Variants in MRPL19 observed in about 807,000 individuals in gnomAD.
MRPL19 encodes the protein mitochondrial ribosomal protein L19.
Under a neutral mutation model 34.0 loss-of-function variants are expected in MRPL19, and 31 were observed. That is an observed-to-expected ratio of 0.91 (90% CI 0.68 to 1.23). MRPL19 has a LOEUF of 1.23. MRPL19 is among the 50% of genes most tolerant of loss of function. The pLI is 0.00. For missense variants in MRPL19, 384 were observed against 367.6 expected, an observed-to-expected ratio of 1.04 and a Z score of -0.37; for synonymous variants, 152 against 127.7, an observed-to-expected ratio of 1.19 and a Z score of -1.28.
At chr2:75,655,006 T>C in intron 5 of MRPL19, 58 bp from the exon 6 acceptor site, 2 of 1,418,664 alleles carry the variant, frequency 1.4e-6, no homozygotes, top group Non-Finnish European at 1.9e-6. Context: ...GAATTTTTGC[T>C]CATGCCTATC....
chr2:75,658,000 ACC>A lies in MRPL19; in HGVS notation c.*2718_*2719del, dbSNP rs1413832552. The A allele has an allele frequency of 6.6e-6, 1 of 152,020 alleles. No homozygotes were observed. The highest frequency in any genetic ancestry group is 1.5e-5 in the Non-Finnish European group (1 of 67,994). 9.4% of individuals were successfully genotyped at this position (152,020 alleles called of 1,614,324 possible). The stretch of plus-strand genomic sequence containing the variant: ...CTACTATTTCCAAAATTTTCTCATC[ACC>A]CCAAACTGAAACTCTGTAACTGTTG... On this transcript the variant is annotated 3_prime_UTR_variant, in exon 6 of 6. Transcript: ENST00000393909.
rs1244976531 is a variant in MRPL19 at position 75,646,812 on chromosome 2, C to T, written c.5C>T (p.Ala2Val). 19 of 1,521,312 alleles carry T rather than the reference C, an allele frequency of 1.2e-5. No individual in the cohort carries two copies. The highest frequency in any genetic ancestry group is 1.6e-5 in the Non-Finnish European group (18 of 1,133,752). 94.2% of individuals were successfully genotyped at this position (1,521,312 alleles called of 1,614,324 possible). M[A>V]ACIAAGHWAA... ...TCTTGACGTGAGCTAGCTGGCATGG[C>T]GGCCTGCATTGCAGCGGGGCACTGG... is the stretch of plus-strand genomic sequence containing the variant. Residue 2 changes from alanine to valine, a missense_variant, in exon 1 of 6, where the codon GCG (alanine) becomes GTG (valine). Coordinates refer to ENST00000393909, the MANE Select transcript of MRPL19 (RefSeq NM_014763.4).
At chr2:75,651,893 A>C (rs143242619) in intron 2 of MRPL19, 1 of 272,824 alleles carries the variant, frequency 3.7e-6, no homozygotes, top group South Asian at 6.4e-5. Flanking sequence ...CCAAACCCAC[A>C]TGGTTGCTAG....
Position 75,655,592 on chromosome 2 carries a change from ATT to A in MRPL19, c.*316_*317del. 3 of 209,032 alleles carry A rather than the reference ATT, an allele frequency of 1.4e-5. No homozygotes were observed. The highest frequency in any genetic ancestry group is 1.1e-4 in the East Asian group (1 of 9,264). 12.9% of individuals were successfully genotyped at this position (209,032 alleles called of 1,614,324 possible). A position where few individuals can be genotyped will look rare whatever the true frequency, so the allele number is the denominator to read the frequency against. ...TGAGCAAAGGGAATAGGTGGGATGAATTTTTTTTTTAATTGTGAAACAATTCA... is the reference window on the plus strand; with the variant it reads ...TGAGCAAAGGGAATAGGTGGGATGAATTTTTTTTAATTGTGAAACAATTCA... On this transcript the variant is annotated 3_prime_UTR_variant, in exon 6 of 6. Transcript: ENST00000393909.
chr2:75,655,315 A>C lies in MRPL19; in HGVS notation c.*30A>C. The stretch of plus-strand genomic sequence containing the variant: ...GAGAATGAATTTGGTTAGTTGCAGA[A>C]GATACATTGGCTCTAAGAGGATATA... On this transcript the variant is annotated 3_prime_UTR_variant, in exon 6 of 6. Transcript: ENST00000393909. The C allele has an allele frequency of 2.0e-6, 3 of 1,521,064 alleles. No homozygotes were observed. Among genetic ancestry groups the C allele is most frequent in the Non-Finnish European group, 2.7e-6 (3 of 1,098,494 alleles). The allele number at this position is 1,521,064 out of a possible 1,614,324, so 94.2% of individuals were successfully genotyped here. A position where few individuals can be genotyped will look rare whatever the true frequency, so the allele number is the denominator to read the frequency against.
rs1422731684 is a variant in MRPL19 at position 75,647,210 on chromosome 2, C to G, written c.212C>G (p.Pro71Arg). Reference sequence around the variant, plus strand: ...GTGGACAAGCACCGCCCCGTGGAACCGGAACGCAGGTGAGGCACTGCCCTG... The same window carrying G: ...GTGGACAAGCACCGCCCCGTGGAACGGGAACGCAGGTGAGGCACTGCCCTG... ...VIVDKHRPVEPERRFLSPEFI... is the reference protein window; with the variant it reads ...VIVDKHRPVERERRFLSPEFI... The change falls in exon 2 of 6, where the codon CCG becomes CGG. Residue 71 changes from proline to arginine, a missense_variant. Pro to Arg is a moderately radical substitution (Grantham distance 103, BLOSUM62 -2). Transcript: ENST00000393909. 2 of 1,580,626 alleles carry G rather than the reference C, an allele frequency of 1.3e-6. No homozygotes were observed. Among genetic ancestry groups the G allele is most frequent in the Admixed American group, 1.8e-5 (1 of 55,656 alleles).
chr2:75,655,269 C>T lies in MRPL19; in HGVS notation c.863C>T (p.Ala288Val), dbSNP rs377063877. 16 of 1,611,602 alleles carry T rather than the reference C, an allele frequency of 9.9e-6. No individual in the cohort carries two copies. The African/African-American group carries it at 1.2e-4, about 12-fold the overall frequency. ...GCTGCAATATGGAAGGAAATTGAAG[C>T]GTCGAAAAGGTCTTGATTCTGAGAA... ...IEAAIWKEIE[A>V]SKRS The change falls in exon 6 of 6, where the codon GCG (alanine) becomes GTG (valine). Residue 288 changes from alanine to valine, a missense_variant. By Grantham distance (64) the Ala-to-Val change is moderately conservative. Transcript: ENST00000393909.
At position 75,657,480 on chromosome 2, in the gene MRPL19, TAATA is replaced by T. The variant is rs1341718519; in HGVS notation, c.*2196_*2199del. ...TAGTCATCTAACTACTGTCAACAAGTAATAGATATCCTATCCTTCACTTGTTTAG... is the reference window on the plus strand; with the variant it reads ...TAGTCATCTAACTACTGTCAACAAGTGATATCCTATCCTTCACTTGTTTAG... On this transcript the variant is annotated 3_prime_UTR_variant, in exon 6 of 6. Coordinates refer to ENST00000393909, the MANE Select transcript of MRPL19 (RefSeq NM_014763.4). 1 of 152,188 alleles carries T rather than the reference TAATA, an allele frequency of 6.6e-6. No homozygotes were observed. The highest frequency in any genetic ancestry group is 1.5e-5 in the Non-Finnish European group (1 of 68,024). The allele number at this position is 152,188 out of a possible 1,614,324, so 9.4% of individuals were successfully genotyped here.
rs1470621318 is a variant in MRPL19 at position 75,659,156 on chromosome 2, C to T, written c.*3871C>T. On this transcript the variant is annotated 3_prime_UTR_variant, in exon 6 of 6. Coordinates refer to ENST00000393909, the MANE Select transcript of MRPL19 (RefSeq NM_014763.4). ...CTAGTCTGATTCTCTTTCCACTCCC[C>T]TTTGTGTATATTTGTTAGATGTTTT... 6.6e-6 allele frequency among the ~76,000 whole-genome samples: 1 copy of T among 151,840 alleles called. No individual in the cohort carries two copies. The highest frequency in any genetic ancestry group is 1.5e-5 in the Non-Finnish European group (1 of 67,954).
chr2:75,655,543 A>C lies in MRPL19; in HGVS notation c.*258A>C. The C allele has an allele frequency of 6.0e-6, 2 of 331,486 alleles. No homozygotes were observed. Among genetic ancestry groups the C allele is most frequent in the Non-Finnish European group, 5.5e-6 (1 of 183,134 alleles). 20.5% of individuals were successfully genotyped at this position (331,486 alleles called of 1,614,324 possible). ...CAATAGAAGTCAGAGCATCACCAGA[A>C]TGGTCTTTAATGAGCATGGAACCTG... On this transcript the variant is annotated 3_prime_UTR_variant, in exon 6 of 6. Coordinates refer to ENST00000393909, the MANE Select transcript of MRPL19 (RefSeq NM_014763.4).
rs552283917 is a variant in MRPL19, at chr2:75,658,742, T to C, written c.*3457T>C. 4.3e-4 allele frequency among the ~76,000 whole-genome samples: 65 copies of C among 152,264 alleles called. 1 individual carries two copies. Among genetic ancestry groups the C allele is most frequent in the African/African-American group, 1.5e-3 (62 of 41,552 alleles). ...GATAGATGGTCTGTCCTGGAGAATG[T>C]TCCTCATACACTTGAGCAAAATATT... On this transcript the variant is annotated 3_prime_UTR_variant, in exon 6 of 6. Coordinates refer to ENST00000393909, the MANE Select transcript of MRPL19 (RefSeq NM_014763.4).
chr2:75,647,192 A>G lies in MRPL19; in HGVS notation c.194A>G (p.Lys65Arg), dbSNP rs748866193. The part of the protein sequence containing the change: ...QPPPKPVIVD[K>R]HRPVEPERRF... ...CCGCCGAAACCGGTCATCGTGGACA[A>G]GCACCGCCCCGTGGAACCGGAACGC... Residue 65 changes from lysine to arginine, a missense_variant, in exon 2 of 6, where the codon AAG becomes AGG. Lys to Arg is a conservative substitution (Grantham distance 26). Coordinates refer to ENST00000393909, the MANE Select transcript of MRPL19 (RefSeq NM_014763.4). 2.4e-5 allele frequency: 38 copies of G among 1,581,100 alleles called. No individual in the cohort carries two copies. The highest frequency in any genetic ancestry group is 3.6e-5 in the Admixed American group (2 of 55,812).
At chr2:75,648,121 A>G (rs1178222297) in intron 2 of MRPL19, among the ~76,000 whole-genome samples, 1 of 152,152 alleles carries the variant, frequency 6.6e-6, no homozygotes, top group Admixed American at 6.5e-5. Flanking sequence ...TTAGAGAACT[A>G]AGAGATTCAG....
rs1453685213 is a variant in MRPL19, at chr2:75,661,019, A to G, written c.*5734A>G. ...TTTCAAGCATTGCCTACTGCTTACG[A>G]TGAGTGCTCTGTCAATCCTTTAAGT... is the stretch of plus-strand genomic sequence containing the variant. On this transcript the variant is annotated 3_prime_UTR_variant, in exon 6 of 6. Coordinates refer to ENST00000393909, the MANE Select transcript of MRPL19 (RefSeq NM_014763.4). The G allele has an allele frequency of 2.0e-5, 3 of 152,116 alleles. No individual in the cohort carries two copies. Among genetic ancestry groups the G allele is most frequent in the African/African-American group, 7.2e-5 (3 of 41,402 alleles). The allele number at this position is 152,116 out of a possible 1,614,324, so 9.4% of individuals were successfully genotyped here.
At chr2:75,653,178 G>T (rs1678367658) in intron 4 of MRPL19, among the ~76,000 whole-genome samples, 1 of 152,188 alleles carries the variant, frequency 6.6e-6, no homozygotes, top group African/African-American at 2.4e-5. Flanking sequence ...ACTCTAGCAA[G>T]ATTATTAATT....
chr2:75,651,332 C>G (rs1177924413), intron 2 of MRPL19: 7 of 527,650 alleles, frequency 1.3e-5, no homozygotes, highest in Non-Finnish European at 1.9e-5. Flanking sequence ...CTTTTCAGCT[C>G]CTACACGATT....
chr2:75,656,212 T>C lies in MRPL19; in HGVS notation c.*927T>C, dbSNP rs767572422. The C allele has an allele frequency of 6.6e-6, 1 of 152,222 alleles. No individual in the cohort carries two copies. The highest frequency in any genetic ancestry group is 1.5e-5 in the Non-Finnish European group (1 of 68,036). 9.4% of individuals were successfully genotyped at this position (152,222 alleles called of 1,614,324 possible). A position where few individuals can be genotyped will look rare whatever the true frequency, so the allele number is the denominator to read the frequency against. Reference sequence around the variant, plus strand: ...GGTTAAAACAATACCTTTGGTATGATATGAGTGTTGTTGCTGATCCATGCA... The same window carrying C: ...GGTTAAAACAATACCTTTGGTATGACATGAGTGTTGTTGCTGATCCATGCA... On this transcript the variant is annotated 3_prime_UTR_variant, in exon 6 of 6. Transcript: ENST00000393909.
rs1432694522 is a variant in MRPL19 at position 75,662,140 on chromosome 2, T to C, written c.*6855T>C. ...TCTCCTTTATTCTGTTCGTGAGTGA[T>C]TACACTGGTTGACTAATGTTAAAAC... On this transcript the variant is annotated 3_prime_UTR_variant, in exon 6 of 6. Transcript: ENST00000393909. 6.6e-6 allele frequency: 1 copy of C among 152,204 alleles called. No homozygotes were observed. The highest frequency in any genetic ancestry group is 6.5e-5 in the Admixed American group (1 of 15,268). The allele number at this position is 152,204 out of a possible 1,614,324, so 9.4% of individuals were successfully genotyped here. A position where few individuals can be genotyped will look rare whatever the true frequency, so the allele number is the denominator to read the frequency against.
At position 75,655,545 on chromosome 2, in the gene MRPL19, G is replaced by C; in HGVS notation, c.*260G>C. On this transcript the variant is annotated 3_prime_UTR_variant, in exon 6 of 6. Transcript: ENST00000393909. ...ATAGAAGTCAGAGCATCACCAGAAT[G>C]GTCTTTAATGAGCATGGAACCTGAG... 1 of 329,366 alleles carries C rather than the reference G, an allele frequency of 3.0e-6. No individual in the cohort carries two copies. Among genetic ancestry groups the C allele is most frequent in the South Asian group, 5.8e-5 (1 of 17,284 alleles). 20.4% of individuals were successfully genotyped at this position (329,366 alleles called of 1,614,324 possible).
Sources: gnomAD v4.1 joint callset for allele counts (sites outside exome capture counted in the v4.1 genomes callset) on GRCh38, gnomAD v4.1.1 for gene constraint, MANE v1.5 for transcripts, NCBI Gene and HGNC (gene_info 2026-07-23, HGNC 2026-07-21) for gene names.